The following GALR3 variants were observed in gnomAD, a reference collection of about 807,000 sequenced individuals.
The protein encoded by GALR3 is galanin receptor type 3.
Under a neutral mutation model 6.9 loss-of-function variants are expected in GALR3, and 5 were observed. The ratio of observed to expected loss-of-function variants is 0.72; its 90% confidence interval spans 0.38 to 1.52. The LOEUF (loss-of-function observed/expected upper bound fraction) is 1.52, where lower values mean the gene tolerates loss of function less well. Ranked by LOEUF, GALR3 falls within the 40% of genes most tolerant of loss-of-function variation. The pLI, the probability that GALR3 is intolerant of heterozygous loss-of-function variation, is 0.03. For missense variants in GALR3, 570 were observed against 545.6 expected (o/e 1.04, Z -0.44); for synonymous variants, 308 against 263.6 (o/e 1.17, Z -1.63).
intron 1 of GALR3, among the ~76,000 whole-genome samples, chr22:37,824,032 T>C (rs1332488920): frequency 1.3e-5 from 2 of 152,068 alleles, no homozygotes; most frequent in East Asian, 3.9e-4. Context: ...GCACAGGGTC[T>C]GGCACATAGT....
rs1377580598 is a variant in GALR3 at position 37,825,071 on chromosome 22, C to G, written c.708C>G (p.Ala236=). ...RRRATGRAGR[A]MLAVAALYAL... ...GGGCGACGGGCCGCGCGGGGCGCGCCATGCTGGCGGTGGCCGCGCTCTACG... is the reference window on the plus strand; with the variant it reads ...GGGCGACGGGCCGCGCGGGGCGCGCGATGCTGGCGGTGGCCGCGCTCTACG... Residue 236 remains alanine, a synonymous_variant, in exon 2 of 2, where the codon GCC becomes GCG. Transcript: ENST00000249041. 3 of 1,150,728 alleles carry G rather than the reference C, an allele frequency of 2.6e-6. No individual in the cohort carries two copies. Among genetic ancestry groups the G allele is most frequent in the Non-Finnish European group, 3.2e-6 (3 of 934,658 alleles). The allele number at this position is 1,150,728 out of a possible 1,614,324, so 71.3% of individuals were successfully genotyped here.
chr22:37,824,882 G>A lies in GALR3; in HGVS notation c.519G>A (p.Val173=). 7.2e-7 allele frequency: 1 copy of A among 1,393,202 alleles called. No individual in the cohort carries two copies. Among genetic ancestry groups the A allele is most frequent in the Non-Finnish European group, 9.3e-7 (1 of 1,069,816 alleles). 86.3% of individuals were successfully genotyped at this position (1,393,202 alleles called of 1,614,324 possible). ...TVRYGALELC[V]PAWEDARRRA... ...GCTACGGCGCGCTGGAGCTCTGCGTGCCCGCCTGGGAGGACGCGCGCCGCC... is the reference window on the plus strand; with the variant it reads ...GCTACGGCGCGCTGGAGCTCTGCGTACCCGCCTGGGAGGACGCGCGCCGCC... The change falls in exon 2 of 2, where the codon GTG becomes GTA. Residue 173 remains valine, a synonymous_variant. Transcript: ENST00000249041.
intron 1 of GALR3, among the ~76,000 whole-genome samples, chr22:37,824,435 T>C (rs1288965299): frequency 6.6e-6 from 1 of 152,150 alleles, no homozygotes; most frequent in African/African-American, 2.4e-5. Flanking sequence ...AGCTTGAAAC[T>C]TGGGGTCAAA....
Position 37,825,420 on chromosome 22 carries a change from C to A in GALR3, c.1057C>A (p.Pro353Thr). The change falls in exon 2 of 2, where the codon CCC (proline) becomes ACC (threonine). Residue 353 changes from proline to threonine, a missense_variant. Physicochemically the swap from Pro to Thr is conservative, Grantham distance 38. Transcript: ENST00000249041. ...GGCTGGTGGCGGCCAGGGCCCGGAG[C>A]CCAGGGAGGGACCCGTCCACGGCGG... ...LLAGGGQGPE[P>T]REGPVHGGEA... The A allele has an allele frequency of 7.2e-7, 1 of 1,398,296 alleles. No individual in the cohort carries two copies. The highest frequency in any genetic ancestry group is 9.3e-7 in the Non-Finnish European group (1 of 1,072,762). 86.6% of individuals were successfully genotyped at this position (1,398,296 alleles called of 1,614,324 possible).
At chr22:37,824,651 C>G (rs2145944955) in intron 1 of GALR3, 72 bp from the exon 2 acceptor site, 2 of 979,218 alleles carry the variant, frequency 2.0e-6, no homozygotes, top group East Asian at 8.6e-5. Context: ...CCGCAGGGCC[C>G]GGGCGCGGGA....
At position 37,825,099 on chromosome 22, in the gene GALR3, C is replaced by T. The variant is rs770527581; in HGVS notation, c.736C>T (p.Leu246Phe). The T allele has an allele frequency of 3.1e-6, 4 of 1,280,166 alleles. No individual in the cohort carries two copies. Among genetic ancestry groups the T allele is most frequent in the Admixed American group, 5.6e-5 (2 of 35,508 alleles). The allele number at this position is 1,280,166 out of a possible 1,614,324, so 79.3% of individuals were successfully genotyped here. ...AMLAVAALYALCWGPHHALIL... is the reference protein window; with the variant it reads ...AMLAVAALYAFCWGPHHALIL... ...GCTGGCGGTGGCCGCGCTCTACGCG[C>T]TCTGCTGGGGTCCGCACCACGCGCT... The change falls in exon 2 of 2, where the codon CTC (leucine) becomes TTC (phenylalanine). Residue 246 changes from leucine to phenylalanine, a missense_variant. Transcript: ENST00000249041.
In GALR3 at chr22:37,823,563, C is replaced by T; in HGVS notation, c.157C>T (p.Pro53Ser). 6.2e-7 allele frequency: 1 copy of T among 1,613,696 alleles called. No homozygotes were observed. The part of the protein sequence containing the change: ...LQPGPSAWQE[P>S]GSTTDLFILN... ...GCCTGGCCCGAGTGCCTGGCAGGAG[C>T]CTGGCAGCACCACGGACCTGTTCAT... The change falls in exon 1 of 2, where the codon CCT (proline) becomes TCT (serine). Residue 53 changes from proline to serine, a missense_variant. By Grantham distance (74) the Pro-to-Ser change is moderately conservative. Transcript: ENST00000249041.
Position 37,825,316 on chromosome 22 carries a change from G to GCGCCTTGCGTCGCGTCCGCCC in GALR3, c.957_977dup (p.Leu320_Ala326dup). On this transcript the variant is annotated inframe_insertion, in exon 2 of 2. Transcript: ENST00000249041. ...CGCCGACGCCGCCACCGTGCCCGCCGCGCCTTGCGTCGCGTCCGCCCCGCG... is the reference window on the plus strand; with the variant it reads ...CGCCGACGCCGCCACCGTGCCCGCCGCGCCTTGCGTCGCGTCCGCCCCGCCTTGCGTCGCGTCCGCCCCGCG... 2.4e-6 allele frequency: 3 copies of GCGCCTTGCGTCGCGTCCGCCC among 1,253,110 alleles called. No individual in the cohort carries two copies. The South Asian group carries it at 9.8e-5, about 41-fold the overall frequency. The allele number at this position is 1,253,110 out of a possible 1,614,324, so 77.6% of individuals were successfully genotyped here.
Position 37,824,944 on chromosome 22 carries a change from TG to T in GALR3, c.582del (p.Leu195CysfsTer6). 1 of 1,319,524 alleles carries T rather than the reference TG, an allele frequency of 7.6e-7. No individual in the cohort carries two copies. Among genetic ancestry groups the T allele is most frequent in the Non-Finnish European group, 9.7e-7 (1 of 1,028,002 alleles). 81.7% of individuals were successfully genotyped at this position (1,319,524 alleles called of 1,614,324 possible). A position where few individuals can be genotyped will look rare whatever the true frequency, so the allele number is the denominator to read the frequency against. ...LDVATFAAGY[L>X]LPVAVVSLAY... ...GTGGCCACCTTCGCTGCCGGCTACC[TG>T]CTGCCCGTGGCTGTGGTGAGCCTGG... On this transcript the variant is annotated frameshift_variant, in exon 2 of 2. Coordinates refer to ENST00000249041, the MANE Select transcript of GALR3 (RefSeq NM_003614.2). LOFTEE classifies it low-confidence loss of function (END_TRUNC).
rs373229207 is a variant in GALR3, at chr22:37,824,927, C to T, written c.564C>T (p.Thr188=). 1.5e-6 allele frequency: 2 copies of T among 1,340,046 alleles called. No individual in the cohort carries two copies. Among genetic ancestry groups the T allele is most frequent in the Admixed American group, 2.8e-5 (1 of 35,152 alleles). 83.0% of individuals were successfully genotyped at this position (1,340,046 alleles called of 1,614,324 possible). ...DARRRALDVA[T]FAAGYLLPVA... ...GCCGCCGCGCCCTGGACGTGGCCAC[C>T]TTCGCTGCCGGCTACCTGCTGCCCG... Residue 188 remains threonine (T), a synonymous_variant, in exon 2 of 2, where the codon ACC becomes ACT. Coordinates refer to ENST00000249041, the MANE Select transcript of GALR3 (RefSeq NM_003614.2).
At chr22:37,824,653 G>C in intron 1 of GALR3, 70 bp from the exon 2 acceptor site, 1 of 988,886 alleles carries the variant, frequency 1.0e-6, no homozygotes, top group Non-Finnish European at 1.3e-6. Context: ...GCAGGGCCCG[G>C]GCGCGGGACG....
In GALR3 at chr22:37,825,239, G is replaced by T. The variant is rs755952830; in HGVS notation, c.876G>T (p.Ala292=). The part of the protein sequence containing the change: ...ANSCLNPLVY[A]LASRHFRARF... The stretch of plus-strand genomic sequence containing the variant: ...CCTGCCTCAACCCGCTCGTCTACGC[G>T]CTCGCCTCGCGCCACTTCCGCGCGC... Residue 292 remains alanine, a synonymous_variant, in exon 2 of 2, where the codon GCG becomes GCT. Transcript: ENST00000249041. 6 of 1,458,402 alleles carry T rather than the reference G, an allele frequency of 4.1e-6. No homozygotes were observed. The South Asian group carries it at 7.6e-5, about 18-fold the overall frequency. 90.3% of individuals were successfully genotyped at this position (1,458,402 alleles called of 1,614,324 possible). A position where few individuals can be genotyped will look rare whatever the true frequency, so the allele number is the denominator to read the frequency against.
rs570852633 is a variant in GALR3, at chr22:37,825,413, C to G, written c.1050C>G (p.Gly350=). ...GGCTGCTGGCTGGTGGCGGCCAGGGCCCGGAGCCCAGGGAGGGACCCGTCC... is the reference window on the plus strand; with the variant it reads ...GGCTGCTGGCTGGTGGCGGCCAGGGGCCGGAGCCCAGGGAGGGACCCGTCC... ...SGRLLAGGGQ[G]PEPREGPVHG... Residue 350 remains glycine (G), a synonymous_variant, in exon 2 of 2, where the codon GGC becomes GGG. Coordinates refer to ENST00000249041, the MANE Select transcript of GALR3 (RefSeq NM_003614.2). 2.0e-4 allele frequency: 282 copies of G among 1,399,412 alleles called. 1 individual carries two copies. In the African/African-American group the frequency reaches 3.1e-3, roughly 16 times the overall value. The allele number at this position is 1,399,412 out of a possible 1,614,324, so 86.7% of individuals were successfully genotyped here. A position where few individuals can be genotyped will look rare whatever the true frequency, so the allele number is the denominator to read the frequency against.
chr22:37,824,757 G>A lies in GALR3; in HGVS notation c.394G>A (p.Ala132Thr). 1 of 1,260,598 alleles carries A rather than the reference G, an allele frequency of 7.9e-7. No homozygotes were observed. Among genetic ancestry groups the A allele is most frequent in the Non-Finnish European group, 9.9e-7 (1 of 1,005,304 alleles). 78.1% of individuals were successfully genotyped at this position (1,260,598 alleles called of 1,614,324 possible). A position where few individuals can be genotyped will look rare whatever the true frequency, so the allele number is the denominator to read the frequency against. The change falls in exon 2 of 2, where the codon GCC becomes ACC. Residue 132 changes from alanine to threonine, a missense_variant. Ala to Thr is a moderately conservative substitution (Grantham distance 58). Transcript: ENST00000249041. Reference protein sequence around the residue: ...LAVRHPLRSRALRTPRNARAA... With the variant: ...LAVRHPLRSRTLRTPRNARAA... ...CGTGCGGCACCCGCTGCGCTCGCGC[G>A]CCCTGCGCACGCCGCGTAACGCCCG...
rs1922563366 is a variant in GALR3 at position 37,825,052 on chromosome 22, C to CGGGCCGCGCGGGGCGCGCCATGCTGGCGG, written c.690_718dup (p.Val240GlyfsTer?). 1 of 1,135,424 alleles carries CGGGCCGCGCGGGGCGCGCCATGCTGGCGG rather than the reference C, an allele frequency of 8.8e-7. No homozygotes were observed. Among genetic ancestry groups the CGGGCCGCGCGGGGCGCGCCATGCTGGCGG allele is most frequent in the Non-Finnish European group, 1.1e-6 (1 of 926,108 alleles). 70.3% of individuals were successfully genotyped at this position (1,135,424 alleles called of 1,614,324 possible). ...GCGGCCGAGGCGCGGCGGAGGGCGA[C>CGGGCCGCGCGGGGCGCGCCATGCTGGCGG]GGGCCGCGCGGGGCGCGCCATGCTG... On this transcript the variant is annotated frameshift_variant, in exon 2 of 2. Coordinates refer to ENST00000249041, the MANE Select transcript of GALR3 (RefSeq NM_003614.2). LOFTEE classifies it low-confidence loss of function (END_TRUNC).
Position 37,825,133 on chromosome 22 carries a change from GCTT to G in GALR3, c.773_775del (p.Phe258del), listed in dbSNP as rs764999045. 6.8e-7 allele frequency: 1 copy of G among 1,462,976 alleles called. No homozygotes were observed. The highest frequency in any genetic ancestry group is 2.0e-5 in the Admixed American group (1 of 49,822). 90.6% of individuals were successfully genotyped at this position (1,462,976 alleles called of 1,614,324 possible). On this transcript the variant is annotated inframe_deletion, in exon 2 of 2. Transcript: ENST00000249041. ...GGTCCGCACCACGCGCTCATCCTGT[GCTT>G]CTGGTACGGCCGCTTCGCCTTCAGC...
At chr22:37,824,674 C>G in intron 1 of GALR3, 49 bp from the exon 2 acceptor site, 1 of 1,136,532 alleles carries the variant, frequency 8.8e-7, no homozygotes, top group Non-Finnish European at 1.1e-6. Flanking sequence ...TGGCGCGGGC[C>G]CCTGCGGGAG....
chr22:37,825,126 A>G lies in GALR3; in HGVS notation c.763A>G (p.Ile255Val). ...ALCWGPHHAL[I>V]LCFWYGRFAF... Reference sequence around the variant, plus strand: ...CTGCTGGGGTCCGCACCACGCGCTCATCCTGTGCTTCTGGTACGGCCGCTT... The same window carrying G: ...CTGCTGGGGTCCGCACCACGCGCTCGTCCTGTGCTTCTGGTACGGCCGCTT... Residue 255 changes from isoleucine to valine, a missense_variant, in exon 2 of 2, where the codon ATC (isoleucine) becomes GTC (valine). Transcript: ENST00000249041. 6.9e-7 allele frequency: 1 copy of G among 1,449,466 alleles called. No homozygotes were observed. The allele number at this position is 1,449,466 out of a possible 1,614,324, so 89.8% of individuals were successfully genotyped here.
Position 37,824,776 on chromosome 22 carries a change from A to G in GALR3, c.413A>G (p.Asn138Ser). Residue 138 changes from asparagine to serine, a missense_variant, in exon 2 of 2, where the codon AAC becomes AGC. Coordinates refer to ENST00000249041, the MANE Select transcript of GALR3 (RefSeq NM_003614.2). ...TCGCGCGCCCTGCGCACGCCGCGTA[A>G]CGCCCGCGCCGCAGTGGGGCTGGTG... Reference protein sequence around the residue: ...LRSRALRTPRNARAAVGLVWL... With the variant: ...LRSRALRTPRSARAAVGLVWL... The G allele has an allele frequency of 7.7e-7, 1 of 1,293,136 alleles. No individual in the cohort carries two copies. Among genetic ancestry groups the G allele is most frequent in the South Asian group, 2.3e-5 (1 of 43,712 alleles). The allele number at this position is 1,293,136 out of a possible 1,614,324, so 80.1% of individuals were successfully genotyped here.
Sources: allele counts gnomAD v4.1 joint callset (sites outside exome capture counted in the v4.1 genomes callset), GRCh38; gene constraint gnomAD v4.1.1; transcripts MANE v1.5; gene names NCBI Gene and HGNC (gene_info 2026-07-23, HGNC 2026-07-21).